TDRP: variants seen among roughly 807,000 people sequenced by gnomAD.
TDRP encodes testis development-related protein.
Under a neutral mutation model 10.5 loss-of-function variants are expected in TDRP, and 12 were observed. The observed-to-expected ratio is 1.15, with a 90% CI of 0.73 to 1.86. The LOEUF is 1.86. Ranked by LOEUF, TDRP falls within the 40% of genes most tolerant of loss-of-function variation. TDRP has a pLI of 0.00. For synonymous variants in TDRP, 139 were observed against 95.4 expected (o/e 1.46, Z -2.67); for missense variants, 353 against 229.2 (o/e 1.54, Z -3.49).
chr8:503,932 A>G (rs1801381851), intron 1 of TDRP, among the ~76,000 whole-genome samples: 1 of 148,122 alleles, frequency 6.8e-6, no homozygotes, highest in Non-Finnish European at 1.5e-5. Flanking sequence ...CATGGAATCC[A>G]GAGCCACACA....
At chr8:526,123 C>A (rs1802028507) in intron 1 of TDRP, among the ~76,000 whole-genome samples, 1 of 152,052 alleles carries the variant, frequency 6.6e-6, no homozygotes, top group Non-Finnish European at 1.5e-5. Context: ...TTTAGTGAGC[C>A]TTTGAATTTC....
chr8:543,906 A>C (rs543143613), intron 1 of TDRP, among the ~76,000 whole-genome samples: 63 of 118,142 alleles, frequency 5.3e-4, no homozygotes, highest in Non-Finnish European at 8.4e-4. Flanking sequence ...CATGAAAAAG[A>C]GCACTGCAAT....
At chr8:528,215 C>T (rs1179331174) in intron 1 of TDRP, among the ~76,000 whole-genome samples, 1 of 152,196 alleles carries the variant, frequency 6.6e-6, no homozygotes, top group Admixed American at 6.5e-5. Flanking sequence ...TGAGATATCA[C>T]TCACATCAGT....
At chr8:517,675 G>A (rs1473943006) in intron 1 of TDRP, among the ~76,000 whole-genome samples, 1 of 152,142 alleles carries the variant, frequency 6.6e-6, no homozygotes, top group Non-Finnish European at 1.5e-5. Context: ...TGTAACTTTT[G>A]TCCCCCTAAA....
chr8:506,195 G>A (rs73527941), intron 1 of TDRP, among the ~76,000 whole-genome samples: 9,055 of 152,252 alleles, frequency 0.059, 893 homozygotes, highest in African/African-American at 0.21. Context: ...AACACACATA[G>A]GATCTCTGGA....
At chr8:501,383 G>A (rs1200666828) in intron 1 of TDRP, among the ~76,000 whole-genome samples, 1 of 151,592 alleles carries the variant, frequency 6.6e-6, no homozygotes, top group Non-Finnish European at 1.5e-5. Context: ...GTCTTTCTCT[G>A]TTGCCCAGGC....
intron 1 of TDRP, among the ~76,000 whole-genome samples, chr8:521,826 G>C (rs1217416253): frequency 6.6e-6 from 1 of 152,048 alleles, no homozygotes; most frequent in African/African-American, 2.4e-5. Flanking sequence ...TGGGTAATAT[G>C]GACATTTTAA....
intron 1 of TDRP, among the ~76,000 whole-genome samples, chr8:520,387 A>AT (rs1242414565): frequency 1.3e-5 from 2 of 152,212 alleles, no homozygotes; most frequent in Non-Finnish European, 2.9e-5. Context: ...TCCTCTTATT[A>AT]TAAGTGGTGC....
At chr8:522,435 C>T (rs961654470) in intron 1 of TDRP, among the ~76,000 whole-genome samples, 2 of 152,174 alleles carry the variant, frequency 1.3e-5, no homozygotes, top group African/African-American at 4.8e-5. Flanking sequence ...ACTCATCTCT[C>T]CCTTTGCCAT....
At position 491,774 on chromosome 8, in the gene TDRP, T is replaced by G. The variant is rs1226548181; in HGVS notation, c.*625A>C. 7.5e-7 allele frequency: 1 copy of G among 1,340,768 alleles called. No homozygotes were observed. The highest frequency in any genetic ancestry group is 1.5e-5 in the African/African-American group (1 of 66,864). 83.1% of individuals were successfully genotyped at this position (1,340,768 alleles called of 1,614,324 possible). A position where few individuals can be genotyped will look rare whatever the true frequency, so the allele number is the denominator to read the frequency against. The stretch of plus-strand genomic sequence containing the variant: ...TTCCAAAAAAGAACCACTGTTACTA[T>G]CCAGTGGACATACAAGAAGCTATTC... On this transcript the variant is annotated 3_prime_UTR_variant, in exon 3 of 3. Transcript: ENST00000324079.
chr8:536,951 C>T (rs1802362655), intron 1 of TDRP, among the ~76,000 whole-genome samples: 2 of 152,194 alleles, frequency 1.3e-5, no homozygotes, highest in Admixed American at 1.3e-4. Context: ...GTATCTGACT[C>T]AGCTCATATG....
chr8:534,395 T>G (rs891436380), intron 1 of TDRP, among the ~76,000 whole-genome samples: 6 of 152,198 alleles, frequency 3.9e-5, no homozygotes, highest in Admixed American at 3.9e-4. Context: ...TGACCTTGTT[T>G]TACATGTATT....
intron 1 of TDRP, among the ~76,000 whole-genome samples, chr8:515,663 G>A (rs1476889551): frequency 6.6e-6 from 1 of 152,150 alleles, no homozygotes; most frequent in African/African-American, 2.4e-5. Flanking sequence ...GGATTGGGCA[G>A]CCTCTAACAT....
chr8:539,082 AT>A (rs1802423564), intron 1 of TDRP, among the ~76,000 whole-genome samples: 1 of 152,196 alleles, frequency 6.6e-6, no homozygotes. Context: ...CGTTTTTTCA[AT>A]TTGTATTTAA....
intron 1 of TDRP, among the ~76,000 whole-genome samples, chr8:526,661 T>A (rs1802042615): frequency 6.6e-6 from 1 of 152,212 alleles, no homozygotes; most frequent in Admixed American, 6.5e-5. Flanking sequence ...TGTGGTTTTC[T>A]CTTTTTGGTA....
chr8:526,175 T>G (rs1274193151), intron 1 of TDRP, among the ~76,000 whole-genome samples: 2 of 152,154 alleles, frequency 1.3e-5, no homozygotes, highest in African/African-American at 4.8e-5. Context: ...TTTTTGTATT[T>G]TTAGTAGAGA....
chr8:505,621 C>T (rs1227687742), intron 1 of TDRP, among the ~76,000 whole-genome samples: 1 of 152,180 alleles, frequency 6.6e-6, no homozygotes, highest in Non-Finnish European at 1.5e-5. Context: ...TGAAGATCTC[C>T]AGCCACAGCA....
chr8:509,702 C>T (rs1248460001), intron 1 of TDRP, among the ~76,000 whole-genome samples: 1 of 152,138 alleles, frequency 6.6e-6, no homozygotes, highest in African/African-American at 2.4e-5. Context: ...GACAATTTCC[C>T]TATTGTCTTG....
intron 1 of TDRP, among the ~76,000 whole-genome samples, chr8:509,000 T>C (rs1357528537): frequency 6.6e-6 from 1 of 152,208 alleles, no homozygotes; most frequent in East Asian, 1.9e-4. Flanking sequence ...AGTGAGGCAC[T>C]CATCACATCT....
Sources: allele counts gnomAD v4.1 joint callset (sites outside exome capture counted in the v4.1 genomes callset), GRCh38; gene constraint gnomAD v4.1.1; transcripts MANE v1.5; gene names NCBI Gene and HGNC (gene_info 2026-07-23, HGNC 2026-07-21).